NIPA1: variants seen among roughly 807,000 people sequenced by gnomAD.
NIPA1 encodes the protein NIPA magnesium transporter 1, also known as magnesium transporter NIPA1.
NIPA1 carries 13 observed loss-of-function variants against 23.9 expected under a neutral mutation model. The ratio of observed to expected loss-of-function variants is 0.54; its 90% CI spans 0.35 to 0.87. The LOEUF is 0.87. NIPA1 is among the 40% of genes least tolerant of loss of function. The pLI is 0.01. For missense variants in NIPA1, 362 were observed against 429.7 expected, an observed-to-expected ratio of 0.84 and a Z score of 1.39; for synonymous variants, 234 against 202.9, an observed-to-expected ratio of 1.15 and a Z score of -1.30.
At chr15:22,791,053 C>T (rs1894814408) in intron 1 of NIPA1, among the ~76,000 whole-genome samples, 1 of 152,096 alleles carries the variant, frequency 6.6e-6, no homozygotes, top group Non-Finnish European at 1.5e-5. Flanking sequence ...GTGGTGAAGT[C>T]TGGGCTTTTA....
intron 1 of NIPA1, among the ~76,000 whole-genome samples, chr15:22,804,060 T>C (rs1268603664): frequency 6.6e-6 from 1 of 151,976 alleles, no homozygotes; most frequent in South Asian, 2.1e-4. Context: ...CACTGCAACC[T>C]CTGCCTCCCT....
intron 1 of NIPA1, among the ~76,000 whole-genome samples, chr15:22,793,357 CAAAA>C (rs1163603849): frequency 4.8e-4 from 35 of 73,096 alleles, no homozygotes; most frequent in East Asian, 8.6e-4. Flanking sequence ...GACTGTGTCT[CAAAA>C]AAAAAAAAAA....
intron 4 of NIPA1, among the ~76,000 whole-genome samples, chr15:22,820,772 G>T (rs1895522092): frequency 6.6e-6 from 1 of 151,918 alleles, no homozygotes; most frequent in African/African-American, 2.4e-5. Flanking sequence ...TCCCACAGTG[G>T]CTCCCCTTGG....
At chr15:22,821,796 C>T (rs1482293418) in intron 4 of NIPA1, among the ~76,000 whole-genome samples, 1 of 152,212 alleles carries the variant, frequency 6.6e-6, no homozygotes, top group Non-Finnish European at 1.5e-5. Flanking sequence ...GCATAGCCAG[C>T]AGTTCCCAGC....
At chr15:22,808,679 C>CTTAATATTCTTTTTTTTTTTTTTTT (rs1295103631) in intron 1 of NIPA1, among the ~76,000 whole-genome samples, 5 of 128,338 alleles carry the variant, frequency 3.9e-5, no homozygotes, top group Non-Finnish European at 7.9e-5. Context: ...TAGCAATATT[C>CTTAATATTCTTTTTTTTTTTTTTTT]TTTTTTTTGA....
intron 1 of NIPA1, among the ~76,000 whole-genome samples, chr15:22,787,179 GC>G (rs1894726632): frequency 6.6e-6 from 1 of 152,046 alleles, no homozygotes; most frequent in Non-Finnish European, 1.5e-5. Flanking sequence ...CCTGCCCCGC[GC>G]CGCCCGGCAG....
At position 22,792,024 on chromosome 15, in the gene NIPA1, C is replaced by T. The variant is rs1595629813; in HGVS notation, c.178+5190C>T. ...GCATAGGCTCAGATGGGGCTGCCTACAAACTTCTTTGCCATGCTTTTGGAT... is the reference window on the plus strand; with the variant it reads ...GCATAGGCTCAGATGGGGCTGCCTATAAACTTCTTTGCCATGCTTTTGGAT... On this transcript the variant is annotated intron_variant, in intron 1 of 4. Coordinates refer to ENST00000337435, the MANE Select transcript of NIPA1 (RefSeq NM_144599.5). Among the ~76,000 whole-genome samples the T allele has an allele frequency of 2.6e-5, 4 of 152,276 alleles. No individual in the cohort carries two copies. In the South Asian group the frequency reaches 8.3e-4, roughly 32 times the overall value.
chr15:22,787,097 C>G (rs530901707), intron 1 of NIPA1, among the ~76,000 whole-genome samples: 2 of 152,108 alleles, frequency 1.3e-5, no homozygotes, highest in South Asian at 4.1e-4. Flanking sequence ...GGCTTTTCTC[C>G]GTTCTCAGCG....
chr15:22,820,090 C>G (rs1033078164), intron 3 of NIPA1, among the ~76,000 whole-genome samples: 2 of 151,908 alleles, frequency 1.3e-5, no homozygotes, highest in Admixed American at 1.3e-4. Flanking sequence ...CCAGCTACTC[C>G]GGTGGCTGAG....
chr15:22,810,068 C>T (rs766290716), intron 1 of NIPA1, among the ~76,000 whole-genome samples: 1 of 151,196 alleles, frequency 6.6e-6, no homozygotes, highest in Non-Finnish European at 1.5e-5. Context: ...TGCTTAGGAG[C>T]ATTTTGCCAT....
At chr15:22,797,510 C>CTT (rs35158063) in intron 1 of NIPA1, among the ~76,000 whole-genome samples, 74,537 of 124,290 alleles carry the variant, frequency 0.6, 23,149 homozygotes, top group East Asian at 0.78. Context: ...CCGCGCCTGG[C>CTT]TTTTTTTTTT....
intron 3 of NIPA1, chr15:22,814,112 T>C (rs1388106557): frequency 1.3e-5 from 17 of 1,275,698 alleles, no homozygotes; most frequent in Non-Finnish European, 1.7e-5. Context: ...CCATGTCAGA[T>C]GGTGTTCTGG....
chr15:22,800,975 G>A (rs1418112149), intron 1 of NIPA1, among the ~76,000 whole-genome samples: 2 of 149,626 alleles, frequency 1.3e-5, no homozygotes, highest in Non-Finnish European at 3.0e-5. Context: ...GTGTGATGTC[G>A]CATGCCTGTA....
Position 22,786,776 on chromosome 15 carries a change from G to T in NIPA1, c.120G>T (p.Leu40=). The change falls in exon 1 of 5, where the codon CTG becomes CTT. Residue 40 remains leucine (L), a synonymous_variant. Coordinates refer to ENST00000337435, the MANE Select transcript of NIPA1 (RefSeq NM_144599.5). The stretch of plus-strand genomic sequence containing the variant: ...TGGGCGTGGCCGTCGTGTCGAGCCT[G>T]GTGAACGGGTCCACGTTCGTGCTAC... ...LGLGVAVVSS[L]VNGSTFVLQK... 7.6e-7 allele frequency: 1 copy of T among 1,323,032 alleles called. No individual in the cohort carries two copies. 82.0% of individuals were successfully genotyped at this position (1,323,032 alleles called of 1,614,324 possible). A position where few individuals can be genotyped will look rare whatever the true frequency, so the allele number is the denominator to read the frequency against.
intron 3 of NIPA1, 125 bp downstream of exon 3, chr15:22,812,378 A>G: frequency 2.7e-6 from 2 of 731,056 alleles, no homozygotes; most frequent in Non-Finnish European, 4.8e-6. Context: ...CAGGCCGGGC[A>G]TGGTGGCTTA....
intron 3 of NIPA1, chr15:22,813,698 G>A (rs146783164): frequency 4.4e-6 from 2 of 455,746 alleles, no homozygotes; most frequent in African/African-American, 4.0e-5. Flanking sequence ...ACACCTTAGA[G>A]TCACGTAGGC....
chr15:22,808,704 C>CT (rs1172121698), intron 1 of NIPA1, among the ~76,000 whole-genome samples: 2 of 84,830 alleles, frequency 2.4e-5, no homozygotes. Context: ...GTGTCTCACT[C>CT]TATCACCCAG....
chr15:22,791,238 C>T (rs1894818463), intron 1 of NIPA1, among the ~76,000 whole-genome samples: 1 of 152,068 alleles, frequency 6.6e-6, no homozygotes, highest in Non-Finnish European at 1.5e-5. Context: ...TACTTCCTTT[C>T]ATTCCTGTTC....
intron 1 of NIPA1, among the ~76,000 whole-genome samples, chr15:22,790,209 G>A (rs151096720): frequency 4.6e-5 from 7 of 152,176 alleles, no homozygotes; most frequent in Non-Finnish European, 7.4e-5. Context: ...TACTTCCCCA[G>A]TGACCACCCA....
Sources: allele counts gnomAD v4.1 joint callset (sites outside exome capture counted in the v4.1 genomes callset), GRCh38; gene constraint gnomAD v4.1.1; transcripts MANE v1.5; gene names NCBI Gene and HGNC (gene_info 2026-07-23, HGNC 2026-07-21).